CHST9: variants seen among roughly 807,000 people sequenced by gnomAD.
CHST9 encodes GalNAc-4-sulfotransferase 2.
A neutral mutation model predicts 44.4 loss-of-function variants in CHST9; 41 were observed. That is an observed-to-expected ratio of 0.92 (90% CI 0.72 to 1.20). The LOEUF (loss-of-function observed/expected upper bound fraction) is 1.20, where lower values mean the gene tolerates loss of function less well. Ranked by LOEUF, CHST9 falls within the 50% of genes most tolerant of loss-of-function variation. The pLI is 0.00. For synonymous variants in CHST9, 171 were observed against 178.4 expected, an observed-to-expected ratio of 0.96 and a Z score of 0.33; for missense variants, 504 against 516.5, an observed-to-expected ratio of 0.98 and a Z score of 0.23.
intron 4 of CHST9, among the ~76,000 whole-genome samples, chr18:26,960,158 A>G (rs1261316537): frequency 6.6e-6 from 1 of 152,228 alleles, no homozygotes; most frequent in Non-Finnish European, 1.5e-5. Context: ...CACAGGAGGC[A>G]GAAATAGATA....
intron 4 of CHST9, among the ~76,000 whole-genome samples, chr18:26,950,357 C>A (rs1233152046): frequency 3.9e-5 from 6 of 152,142 alleles, no homozygotes; most frequent in African/African-American, 1.4e-4. Context: ...TTCTAAGGAA[C>A]AACATAGCTA....
intron 5 of CHST9, among the ~76,000 whole-genome samples, chr18:26,937,488 A>G (rs57440801): frequency 0.12 from 18,457 of 152,002 alleles, 1,482 homozygotes; most frequent in African/African-American, 0.22. Context: ...ATAATTGTGG[A>G]GAGAAAGGAA....
chr18:26,984,598 G>A (rs1598615732), intron 4 of CHST9, among the ~76,000 whole-genome samples: 3 of 151,676 alleles, frequency 2.0e-5, no homozygotes, highest in East Asian at 1.9e-4. Flanking sequence ...ATAATAGGAA[G>A]ATATTGCAAT....
At chr18:27,059,913 A>G (rs1464047978) in intron 2 of CHST9, among the ~76,000 whole-genome samples, 1 of 152,252 alleles carries the variant, frequency 6.6e-6, no homozygotes, top group Non-Finnish European at 1.5e-5. Context: ...AGAAAACATG[A>G]AAAGTATGTT....
intron 4 of CHST9, among the ~76,000 whole-genome samples, chr18:26,969,985 CTTCT>C (rs1353847718): frequency 1.3e-5 from 2 of 152,158 alleles, no homozygotes; most frequent in Non-Finnish European, 2.9e-5. Context: ...GGGCCATTTA[CTTCT>C]TTGTTTCCTT....
rs1242593929 is a variant in CHST9 at position 27,182,457 on chromosome 18, G to A, written c.-97+2679C>T. Among the ~76,000 whole-genome samples, 3 of 152,106 alleles carry A rather than the reference G, an allele frequency of 2.0e-5. No homozygotes were observed. The East Asian group carries it at 5.8e-4, about 29-fold the overall frequency. ...AGTACACATCAATTATTTGCAAAGT[G>A]TGAAAAAGATCATCACTATCTTTTT... On this transcript the variant is annotated intron_variant, in intron 1 of 5. Transcript: ENST00000618847.
chr18:27,068,192 G>A (rs1381833338), intron 2 of CHST9, among the ~76,000 whole-genome samples: 2 of 152,134 alleles, frequency 1.3e-5, no homozygotes, highest in African/African-American at 4.8e-5. Flanking sequence ...TTGCTCCTCT[G>A]TCCTTCCCAT....
chr18:27,046,634 A>G (rs1278703025), intron 3 of CHST9, among the ~76,000 whole-genome samples: 3 of 152,064 alleles, frequency 2.0e-5, no homozygotes, highest in South Asian at 2.1e-4. Context: ...AGAAGTCTAC[A>G]TTCAGGCCAG....
At chr18:26,921,038 T>C (rs1598555149) in intron 5 of CHST9, among the ~76,000 whole-genome samples, 1 of 152,284 alleles carries the variant, frequency 6.6e-6, no homozygotes. Flanking sequence ...GTGGCAGTCA[T>C]AGCATTTGGG....
At chr18:27,120,967 T>C (rs2058369421) in intron 2 of CHST9, among the ~76,000 whole-genome samples, 1 of 152,182 alleles carries the variant, frequency 6.6e-6, no homozygotes, top group Non-Finnish European at 1.5e-5. Context: ...AAATGTGGTT[T>C]CATGGATATC....
chr18:27,123,030 C>A (rs1024242972), intron 2 of CHST9, among the ~76,000 whole-genome samples: 3 of 152,092 alleles, frequency 2.0e-5, no homozygotes, highest in African/African-American at 7.2e-5. Context: ...CTTGTGGTGC[C>A]AATTAATGAC....
intron 2 of CHST9, among the ~76,000 whole-genome samples, chr18:27,107,221 C>T (rs1188533342): frequency 1.3e-5 from 2 of 152,152 alleles, no homozygotes; most frequent in Non-Finnish European, 2.9e-5. Flanking sequence ...AATTCTATGA[C>T]TATTTTATAA....
rs1263514905 is a variant in CHST9 at position 27,149,110 on chromosome 18, T to C, written c.-96-6205A>G. Among the ~76,000 whole-genome samples the C allele has an allele frequency of 7.0e-5, 9 of 129,464 alleles. 3 individuals are homozygous for C. Among genetic ancestry groups the C allele is most frequent in the Non-Finnish European group, 1.5e-4 (9 of 58,904 alleles). The allele number at this position is 129,464 out of a possible 152,430, so 84.9% of individuals were successfully genotyped here. ...ACCCACTTTTTGATGGGGTTGTTTGTTTTTTTCTTGTAAATTTGTTTGAGT... is the reference window on the plus strand; with the variant it reads ...ACCCACTTTTTGATGGGGTTGTTTGCTTTTTTCTTGTAAATTTGTTTGAGT... On this transcript the variant is annotated intron_variant, in intron 1 of 5. Coordinates refer to ENST00000618847, the MANE Select transcript of CHST9 (RefSeq NM_031422.6).
chr18:27,048,538 G>C, intron 2 of CHST9, 35 bp from the exon 3 acceptor site: 1 of 1,549,524 alleles, frequency 6.5e-7, no homozygotes, highest in Non-Finnish European at 8.8e-7. Flanking sequence ...TTACAGCATG[G>C]AGTCATGAGA....
At chr18:26,939,928 C>T (rs181496416) in intron 5 of CHST9, among the ~76,000 whole-genome samples, 2 of 152,258 alleles carry the variant, frequency 1.3e-5, no homozygotes, top group African/African-American at 4.8e-5. Flanking sequence ...TATACTCACC[C>T]ACTCCATACC....
chr18:26,995,139 A>G (rs1248067698), intron 4 of CHST9, among the ~76,000 whole-genome samples: 1 of 150,462 alleles, frequency 6.6e-6, no homozygotes, highest in African/African-American at 2.4e-5. Context: ...AACCCTTAAG[A>G]TGACTGCAGC....
At position 27,157,640 on chromosome 18, in the gene CHST9, A is replaced by C. The variant is rs567157311; in HGVS notation, c.-96-14735T>G. Among the ~76,000 whole-genome samples the C allele has an allele frequency of 3.9e-5, 6 of 152,290 alleles. No homozygotes were observed. The East Asian group carries it at 1.2e-3, about 29-fold the overall frequency. On this transcript the variant is annotated intron_variant, in intron 1 of 5. Transcript: ENST00000618847. ...TATAGGAAGCGCTTAAGGCATTTTC[A>C]AAAACCACACCAAACAGTGCTCACA...
intron 4 of CHST9, among the ~76,000 whole-genome samples, chr18:26,989,034 A>G (rs1015557850): frequency 6.6e-6 from 1 of 152,134 alleles, no homozygotes; most frequent in Non-Finnish European, 1.5e-5. Context: ...ACACCTATAT[A>G]AGAAAAAAAG....
chr18:26,983,741 T>C (rs1350189758), intron 4 of CHST9, among the ~76,000 whole-genome samples: 1 of 152,188 alleles, frequency 6.6e-6, no homozygotes, highest in Admixed American at 6.5e-5. Context: ...GTAGTGCTGA[T>C]ATTATTGATC....
Sources: allele counts gnomAD v4.1 joint callset (sites outside exome capture counted in the v4.1 genomes callset), GRCh38; gene constraint gnomAD v4.1.1; transcripts MANE v1.5; gene names NCBI Gene and HGNC (gene_info 2026-07-23, HGNC 2026-07-21).